Variants in BCCIP observed in about 807,000 individuals in gnomAD.
BCCIP encodes the protein BRCA2 and CDKN1A-interacting protein.
BCCIP carries 23 observed loss-of-function variants against 32.8 expected under a neutral mutation model. The ratio of observed to expected loss-of-function variants is 0.70; its 90% CI spans 0.51 to 0.99. The LOEUF (loss-of-function observed/expected upper bound fraction) is 0.99. Ranked by LOEUF, BCCIP falls within the 50% of genes least tolerant of loss-of-function variation. BCCIP has a pLI of 0.00. For missense variants in BCCIP, 378 were observed against 379.8 expected, an observed-to-expected ratio of 1.00 and a Z score of 0.04; for synonymous variants, 144 against 137.6, an observed-to-expected ratio of 1.05 and a Z score of -0.33.
downstream of BCCIP, chr10:125,836,957 T>C (rs1227913034): frequency 5.3e-6 from 5 of 951,104 alleles, no homozygotes; most frequent in Non-Finnish European, 7.9e-6. Context: ...AATCTACCTG[T>C]AGAACCGGTA....
chr10:125,839,014 C>A (rs780042201), downstream of BCCIP: 2 of 1,613,770 alleles, frequency 1.2e-6, no homozygotes, highest in East Asian at 4.5e-5. Flanking sequence ...CATAAAGTAA[C>A]CGGACAGAAG....
downstream of BCCIP, chr10:125,841,273 G>T: frequency 6.2e-7 from 1 of 1,614,122 alleles, no homozygotes; most frequent in Non-Finnish European, 8.5e-7. Flanking sequence ...AAAACCTGAG[G>T]TGCTTGGAGG....
intron 7 of BCCIP, among the ~76,000 whole-genome samples, chr10:125,851,920 CAAAAA>C (rs56380138): frequency 4.6e-5 from 4 of 86,786 alleles, no homozygotes; most frequent in Admixed American, 1.4e-4. Context: ...GACCCTGTCT[CAAAAA>C]AAAAAAAAAA....
At chr10:125,831,637 C>T in intron 5 of BCCIP, 30 bp downstream of exon 5, 2 of 1,573,864 alleles carry the variant, frequency 1.3e-6, no homozygotes, top group Non-Finnish European at 1.7e-6. Context: ...TATCTTTGAA[C>T]AGTAATTTTT....
intron 3 of BCCIP, 31 bp from the exon 4 acceptor site, chr10:125,830,531 T>C: frequency 7.1e-7 from 1 of 1,406,264 alleles, no homozygotes; most frequent in Non-Finnish European, 9.9e-7. Context: ...ATACTAAATA[T>C]AACATTTAAA....
At position 125,836,294 on chromosome 10, in the gene BCCIP, G is replaced by A. The variant is rs1854682454; in HGVS notation, c.*20G>A. On this transcript the variant is annotated 3_prime_UTR_variant, in exon 7 of 7. Coordinates refer to ENST00000278100, the MANE Select transcript of BCCIP (RefSeq NM_078468.3). ...GTCTAACCCATTTCCAATGGACAGT[G>A]ATGGGCTTGTTTTTGTAAAATTACC... The A allele has an allele frequency of 1.2e-6, 2 of 1,613,474 alleles. No individual in the cohort carries two copies. The highest frequency in any genetic ancestry group is 1.7e-5 in the Admixed American group (1 of 59,814).
chr10:125,834,439 A>C lies in BCCIP; in HGVS notation c.774+493A>C, dbSNP rs574169376. On this transcript the variant is annotated intron_variant, in intron 6 of 6. Coordinates refer to ENST00000278100, the MANE Select transcript of BCCIP (RefSeq NM_078468.3). ...GGGATATCTCCAGCATTTTTTTCCT[A>C]TAAAGGTAGCTTGTACTGTGATGGA... is the stretch of plus-strand genomic sequence containing the variant. Among the ~76,000 whole-genome samples the C allele has an allele frequency of 2.6e-5, 4 of 152,170 alleles. No individual in the cohort carries two copies. In the East Asian group the frequency reaches 5.8e-4, roughly 22 times the overall value.
At chr10:125,836,683 G>A, downstream of BCCIP, 1 of 1,613,170 alleles carries the variant, frequency 6.2e-7, no homozygotes, top group African/African-American at 1.3e-5. Flanking sequence ...TGTTTGCTGG[G>A]GAGTCACTGG....
chr10:125,835,319 G>T (rs901973257), intron 6 of BCCIP, among the ~76,000 whole-genome samples: 4 of 152,170 alleles, frequency 2.6e-5, no homozygotes, highest in Middle Eastern at 3.4e-3. Flanking sequence ...GGTGGCTCAT[G>T]CCTGTAATCC....
chr10:125,839,068 G>C (rs1854789684), downstream of BCCIP: 5 of 1,614,194 alleles, frequency 3.1e-6, no homozygotes, highest in East Asian at 1.1e-4. Flanking sequence ...GCCAAAAGCA[G>C]GTTCTGCATA....
chr10:125,850,554 C>T (rs778390752), intron 7 of BCCIP, among the ~76,000 whole-genome samples: 1 of 151,830 alleles, frequency 6.6e-6, no homozygotes, highest in Non-Finnish European at 1.5e-5. Flanking sequence ...GAGATTTCAC[C>T]ACGTTGGTCA....
intron 7 of BCCIP, among the ~76,000 whole-genome samples, chr10:125,850,134 TAAAAAAA>T (rs371549545): frequency 7.5e-6 from 1 of 133,540 alleles, no homozygotes; most frequent in Non-Finnish European, 1.6e-5. Flanking sequence ...CCTGGCTCAT[TAAAAAAA>T]AAAAAAAAAA....
At position 125,852,633 on chromosome 10, in the gene BCCIP, G is replaced by A. The variant is rs911423180; in HGVS notation, c.851-492G>A. On this transcript the variant is annotated intron_variant, in intron 7 of 7. Transcript: ENST00000368759. ...ACGAGCGAGTTTGCTCTTATTCTCG[G>A]GTTGTACACCTTTAAATGGAAAGAC... is the stretch of plus-strand genomic sequence containing the variant. The A allele has an allele frequency of 3.1e-6, 5 of 1,608,086 alleles. No homozygotes were observed. Among genetic ancestry groups the A allele is most frequent in the Non-Finnish European group, 4.2e-6 (5 of 1,178,348 alleles).
chr10:125,846,242 ACT>A (rs1315375542), downstream of BCCIP, among the ~76,000 whole-genome samples: 2 of 151,550 alleles, frequency 1.3e-5, no homozygotes, highest in Non-Finnish European at 2.9e-5. Flanking sequence ...CTAGCTGAAG[ACT>A]CTCCCCACCC....
At chr10:125,846,955 A>G (rs915419420), downstream of BCCIP, among the ~76,000 whole-genome samples, 1 of 152,240 alleles carries the variant, frequency 6.6e-6, no homozygotes, top group Non-Finnish European at 1.5e-5. Flanking sequence ...AGACCCCTGC[A>G]TTAATGTATA....
chr10:125,852,403 G>A lies in BCCIP; in HGVS notation c.851-722G>A, dbSNP rs751334306. The A allele has an allele frequency of 1.8e-5, 29 of 1,614,044 alleles. No individual in the cohort carries two copies. The highest frequency in any genetic ancestry group is 1.6e-4 in the Middle Eastern group (1 of 6,084). On this transcript the variant is annotated intron_variant, in intron 7 of 7. Transcript: ENST00000368759. The stretch of plus-strand genomic sequence containing the variant: ...CTGCATTTCTGCTGGCTTCAGTGGC[G>A]TCATGTCTTTGGAGGCAAATTCTTC...
At chr10:125,853,087 G>A in intron 7 of BCCIP, 1 of 1,447,402 alleles carries the variant, frequency 6.9e-7, no homozygotes, top group African/African-American at 1.4e-5. Flanking sequence ...AGCTAATACA[G>A]AAACTGCGTA....
At chr10:125,838,701 A>C (rs1274205711), downstream of BCCIP, among the ~76,000 whole-genome samples, 1 of 152,178 alleles carries the variant, frequency 6.6e-6, no homozygotes, top group Non-Finnish European at 1.5e-5. Flanking sequence ...CATACACTCC[A>C]ATGCCAAGTG....
intron 5 of BCCIP, among the ~76,000 whole-genome samples, chr10:125,831,968 C>T (rs1008491240): frequency 1.2e-4 from 18 of 152,160 alleles, no homozygotes; most frequent in African/African-American, 4.3e-4. Context: ...TGGTAAAGTT[C>T]CCAAATTCTA....
Sources: gnomAD v4.1 joint callset for allele counts (sites outside exome capture counted in the v4.1 genomes callset) on GRCh38, gnomAD v4.1.1 for gene constraint, MANE v1.5 for transcripts, NCBI Gene and HGNC (gene_info 2026-07-23, HGNC 2026-07-21) for gene names.